The following NF1 variants were observed in gnomAD, a reference collection of about 807,000 sequenced individuals.
NF1 encodes neurofibromin 1.
In NF1, 122 loss-of-function variants were observed where a neutral mutation model predicts 325.7. The ratio of observed to expected loss-of-function variants is 0.37; its 90% CI spans 0.32 to 0.44. The LOEUF is 0.44. NF1 is among the 20% of genes least tolerant of loss of function. The pLI is 1.00. For synonymous variants in NF1, 1,091 were observed against 1,186.0 expected, an observed-to-expected ratio of 0.92 and a Z score of 1.65; for missense variants, 2,140 against 3,415.4, an observed-to-expected ratio of 0.63 and a Z score of 9.31.
In NF1 at chr17:31,377,207, A is replaced by G; in HGVS notation, c.*3052A>G. On this transcript the variant is annotated 3_prime_UTR_variant, in exon 58 of 58. Transcript: ENST00000358273. ...TTTAATGCAGTATATTCACCTGTAA[A>G]TAGTTTGTGTAAAATTTGACAAAAA... 4.3e-6 allele frequency: 1 copy of G among 233,498 alleles called. No individual in the cohort carries two copies. The highest frequency in any genetic ancestry group is 2.2e-5 in the African/African-American group (1 of 45,418). The allele number at this position is 233,498 out of a possible 1,614,324, so 14.5% of individuals were successfully genotyped here. A position where few individuals can be genotyped will look rare whatever the true frequency, so the allele number is the denominator to read the frequency against.
chr17:31,276,095 G>C (rs2068002572), intron 36 of NF1, among the ~76,000 whole-genome samples: 1 of 150,878 alleles, frequency 6.6e-6, no homozygotes, highest in Non-Finnish European at 1.5e-5. Context: ...TGTAGTCCCA[G>C]CTACTTGGGA....
chr17:31,222,658 T>C (rs982024284), intron 15 of NF1: 2 of 422,978 alleles, frequency 4.7e-6, no homozygotes, highest in Admixed American at 6.2e-5. Context: ...ATTGTAATTA[T>C]GTTTTGTTTA....
chr17:31,352,335 C>T lies in NF1; in HGVS notation c.7536C>T (p.Gly2512=), dbSNP rs786203187. 3.7e-6 allele frequency: 6 copies of T among 1,614,014 alleles called. No homozygotes were observed. The highest frequency in any genetic ancestry group is 5.1e-6 in the Non-Finnish European group (6 of 1,180,016). ...GYLAATYPTV[G]QTSPRARKSM... ...TTGCAGCCACCTATCCAACTGTCGGCCAGACCAGTCCCCGAGCCAGGAAAT... is the reference window on the plus strand; with the variant it reads ...TTGCAGCCACCTATCCAACTGTCGGTCAGACCAGTCCCCGAGCCAGGAAAT... The change falls in exon 51 of 58, where the codon GGC becomes GGT. Residue 2512 remains glycine, a synonymous_variant. Coordinates refer to ENST00000358273, the MANE Select transcript of NF1 (RefSeq NM_001042492.3).
At chr17:31,219,435 T>C (rs2066883959) in intron 14 of NF1, 1 of 153,076 alleles carries the variant, frequency 6.5e-6, no homozygotes, top group Non-Finnish European at 1.5e-5. Context: ...AATTGAGACA[T>C]AATTCACATA....
At chr17:31,366,881 T>C (rs1422684362) in intron 57 of NF1, among the ~76,000 whole-genome samples, 1 of 152,214 alleles carries the variant, frequency 6.6e-6, no homozygotes, top group South Asian at 2.1e-4. Flanking sequence ...TTCTTTGTTA[T>C]TATCCTATGT....
At chr17:31,146,716 G>T (rs995359850) in intron 1 of NF1, among the ~76,000 whole-genome samples, 1 of 152,254 alleles carries the variant, frequency 6.6e-6, no homozygotes, top group African/African-American at 2.4e-5. Flanking sequence ...ACCAGCTTTG[G>T]CCAACCCCCA....
At chr17:31,357,638 G>A (rs1331655191) in intron 54 of NF1, 1 of 505,734 alleles carries the variant, frequency 2.0e-6, no homozygotes, top group African/African-American at 1.9e-5. Context: ...TCACTTAGAA[G>A]CAAACTATTA....
chr17:31,167,984 A>G (rs1320907534), intron 4 of NF1, among the ~76,000 whole-genome samples: 1 of 152,230 alleles, frequency 6.6e-6, no homozygotes, highest in Non-Finnish European at 1.5e-5. Flanking sequence ...CGGTTTTCAA[A>G]TACAAAGTAA....
chr17:31,212,890 A>G (rs1202744405), intron 12 of NF1, among the ~76,000 whole-genome samples: 3 of 152,180 alleles, frequency 2.0e-5, no homozygotes, highest in East Asian at 1.9e-4. Context: ...CACGATGGCT[A>G]TGATACTAAG....
intron 1 of NF1, among the ~76,000 whole-genome samples, chr17:31,116,098 C>T (rs762951843): frequency 1.3e-5 from 2 of 152,120 alleles, no homozygotes; most frequent in African/African-American, 2.4e-5. Flanking sequence ...AGACTTTACT[C>T]ATGCAGATAT....
At chr17:31,366,714 C>CCCT (rs2070529866) in intron 57 of NF1, among the ~76,000 whole-genome samples, 1 of 152,092 alleles carries the variant, frequency 6.6e-6, no homozygotes, top group African/African-American at 2.4e-5. Context: ...CATCATGAGA[C>CCCT]CCTCGTCTTT....
At chr17:31,120,799 A>ATCAGC (rs1225058790) in intron 1 of NF1, among the ~76,000 whole-genome samples, 5 of 152,124 alleles carry the variant, frequency 3.3e-5, no homozygotes, top group Admixed American at 3.3e-4. Context: ...AAAAAAAAAA[A>ATCAGC]ATCAGCATCT....
chr17:31,274,988 C>T (rs542837076), intron 36 of NF1, among the ~76,000 whole-genome samples: 1 of 152,164 alleles, frequency 6.6e-6, no homozygotes, highest in Admixed American at 6.6e-5. Context: ...TTCTCCAACA[C>T]TGGATTTCTC....
At chr17:31,174,817 C>A (rs1407624737) in intron 5 of NF1, among the ~76,000 whole-genome samples, 1 of 151,722 alleles carries the variant, frequency 6.6e-6, no homozygotes, top group Non-Finnish European at 1.5e-5. Flanking sequence ...GCATATAGAG[C>A]CATCAAAAAT....
chr17:31,241,953 T>C (rs1397462005), intron 29 of NF1, among the ~76,000 whole-genome samples: 5 of 152,200 alleles, frequency 3.3e-5, no homozygotes, highest in Admixed American at 3.3e-4. Context: ...CAGCTTTTGT[T>C]TGTCTAGGAA....
chr17:31,095,633 C>CA (rs1911615915), intron 1 of NF1, among the ~76,000 whole-genome samples: 2 of 152,210 alleles, frequency 1.3e-5, no homozygotes, highest in Non-Finnish European at 2.9e-5. Context: ...TCCGACCCTC[C>CA]ATCCCCTTTA....
intron 12 of NF1, among the ~76,000 whole-genome samples, chr17:31,206,774 T>C (rs1267337885): frequency 6.6e-6 from 1 of 152,164 alleles, no homozygotes; most frequent in African/African-American, 2.4e-5. Flanking sequence ...TTTTAGCTAA[T>C]TGAATGGTGA....
chr17:31,245,695 T>C (rs2067377640), intron 29 of NF1, among the ~76,000 whole-genome samples: 2 of 152,208 alleles, frequency 1.3e-5, no homozygotes. Flanking sequence ...GCTTGCAGCT[T>C]CCATGCTGTC....
intron 5 of NF1, among the ~76,000 whole-genome samples, chr17:31,180,198 A>G (rs529771873): frequency 8.5e-5 from 13 of 152,344 alleles, no homozygotes; most frequent in South Asian, 2.1e-4. Flanking sequence ...TTCTGAAACT[A>G]TTTCAAACAA....
Sources: allele counts gnomAD v4.1 joint callset (sites outside exome capture counted in the v4.1 genomes callset), GRCh38; gene constraint gnomAD v4.1.1; transcripts MANE v1.5; gene names NCBI Gene and HGNC (gene_info 2026-07-23, HGNC 2026-07-21).